CEP97: variants seen among roughly 807,000 people sequenced by gnomAD.
CEP97 encodes the protein centrosomal protein 97.
In CEP97, 43 loss-of-function variants were observed where a neutral mutation model predicts 73.1. The observed-to-expected ratio is 0.59, with a 90% CI of 0.46 to 0.76. The LOEUF is 0.76. Ranked by LOEUF, CEP97 falls within the 30% of genes least tolerant of loss-of-function variation. The pLI, the probability that CEP97 is intolerant of heterozygous loss-of-function variation, is 0.00. For synonymous variants in CEP97, 337 were observed against 370.0 expected (o/e 0.91, Z 1.02); for missense variants, 939 against 1,014.0 (o/e 0.93, Z 1.00).
At chr3:101,756,257 C>T (rs1939001783) in intron 7 of CEP97, among the ~76,000 whole-genome samples, 1 of 151,816 alleles carries the variant, frequency 6.6e-6, no homozygotes, top group Admixed American at 6.6e-5. Flanking sequence ...TGGGTTTTTG[C>T]CATGTTAGCC....
At position 101,765,821 on chromosome 3, in the gene CEP97, G is replaced by A. The variant is rs1939304570; in HGVS notation, c.*270G>A. On this transcript the variant is annotated 3_prime_UTR_variant, in exon 11 of 11. Coordinates refer to ENST00000341893, the MANE Select transcript of CEP97 (RefSeq NM_024548.4). Reference sequence around the variant, plus strand: ...TTCTTAACTGAATTGCATCAACAATGTTCCTGTTTCTTTCATGTACTCATT... The same window carrying A: ...TTCTTAACTGAATTGCATCAACAATATTCCTGTTTCTTTCATGTACTCATT... 3.6e-6 allele frequency: 1 copy of A among 281,188 alleles called. No individual in the cohort carries two copies. The highest frequency in any genetic ancestry group is 6.6e-6 in the Non-Finnish European group (1 of 152,430). 17.4% of individuals were successfully genotyped at this position (281,188 alleles called of 1,614,324 possible). A position where few individuals can be genotyped will look rare whatever the true frequency, so the allele number is the denominator to read the frequency against.
chr3:101,725,552 G>T (rs527400425), intron 1 of CEP97, among the ~76,000 whole-genome samples: 23 of 152,278 alleles, frequency 1.5e-4, no homozygotes, highest in African/African-American at 4.3e-4. Flanking sequence ...TGTGTACAAA[G>T]GCTGTGCACT....
intron 9 of CEP97, among the ~76,000 whole-genome samples, chr3:101,760,046 A>T (rs1395876403): frequency 6.8e-6 from 1 of 147,274 alleles, no homozygotes; most frequent in Non-Finnish European, 1.5e-5. Context: ...AAAAAAAAAA[A>T]GAGGAAGAGC....
At chr3:101,747,692 T>C (rs1448234626) in intron 6 of CEP97, among the ~76,000 whole-genome samples, 1 of 119,758 alleles carries the variant, frequency 8.4e-6, no homozygotes, top group Non-Finnish European at 1.9e-5. Flanking sequence ...TAGTAGCTGG[T>C]ATTACATTTT....
At position 101,765,077 on chromosome 3, in the gene CEP97, A is replaced by C. The variant is rs1939276704; in HGVS notation, c.2124A>C (p.Thr708=). The C allele has an allele frequency of 6.2e-7, 1 of 1,614,082 alleles. No individual in the cohort carries two copies. The highest frequency in any genetic ancestry group is 1.1e-5 in the South Asian group (1 of 91,078). The change falls in exon 11 of 11, where the codon ACA becomes ACC. Residue 708 remains threonine (T), a synonymous_variant. Coordinates refer to ENST00000341893, the MANE Select transcript of CEP97 (RefSeq NM_024548.4). The part of the protein sequence containing the change: ...FPDSGFHSSL[T]EQVHSLQHSL... ...ACTCTGGTTTTCATTCCTCTCTAAC[A>C]GAACAAGTTCATTCATTGCAGCATT...
chr3:101,765,693 TC>T lies in CEP97; in HGVS notation c.*143del. 2 of 659,780 alleles carry T rather than the reference TC, an allele frequency of 3.0e-6. No homozygotes were observed. The highest frequency in any genetic ancestry group is 3.3e-5 in the Admixed American group (1 of 30,002). 40.9% of individuals were successfully genotyped at this position (659,780 alleles called of 1,614,324 possible). A position where few individuals can be genotyped will look rare whatever the true frequency, so the allele number is the denominator to read the frequency against. The stretch of plus-strand genomic sequence containing the variant: ...AATTTGTATTCATGTCTTATATTTT[TC>T]AGATTCTAGATATTGAGCTGAGTTT... On this transcript the variant is annotated 3_prime_UTR_variant, in exon 11 of 11. Transcript: ENST00000341893.
rs1369849393 is a variant in CEP97 at position 101,758,372 on chromosome 3, G to T, written c.1766G>T (p.Arg589Leu). 2 of 1,614,122 alleles carry T rather than the reference G, an allele frequency of 1.2e-6. No individual in the cohort carries two copies. The highest frequency in any genetic ancestry group is 1.7e-6 in the Non-Finnish European group (2 of 1,180,026). ...GCCAAAGATGTGCGTTACGAAATCC[G>T]GCTACGCAGAATGCAAGAGCACATT... ...PQAKDVRYEI[R>L]LRRMQEHIVC... Residue 589 changes from arginine (R) to leucine (L), a missense_variant, in exon 9 of 11, where the codon CGG becomes CTG. Transcript: ENST00000341893.
At chr3:101,737,028 A>G (rs753415569) in intron 6 of CEP97, among the ~76,000 whole-genome samples, 7 of 152,266 alleles carry the variant, frequency 4.6e-5, no homozygotes, top group Non-Finnish European at 1.0e-4. Flanking sequence ...ACACAGCACG[A>G]GAACTTTGTG....
Position 101,757,924 on chromosome 3 carries a change from G to A in CEP97, c.1318G>A (p.Val440Met). Residue 440 changes from valine (V) to methionine (M), a missense_variant, in exon 9 of 11, where the codon GTG becomes ATG. Coordinates refer to ENST00000341893, the MANE Select transcript of CEP97 (RefSeq NM_024548.4). ...AGATGATGGTGTTGCAGATGAATCT[G>A]TGAAAGGGCTGGAAAGCCAGGTGTT... ...LEDDGVADES[V>M]KGLESQVLDK... The A allele has an allele frequency of 6.2e-7, 1 of 1,614,248 alleles. No individual in the cohort carries two copies. The highest frequency in any genetic ancestry group is 8.5e-7 in the Non-Finnish European group (1 of 1,180,044).
At chr3:101,748,287 A>G (rs1402871357) in intron 6 of CEP97, among the ~76,000 whole-genome samples, 3 of 151,004 alleles carry the variant, frequency 2.0e-5, no homozygotes, top group African/African-American at 7.3e-5. Context: ...GGATAAGTTT[A>G]TTGATGAATT....
chr3:101,748,459 A>C (rs937438440), intron 6 of CEP97, among the ~76,000 whole-genome samples: 2 of 152,128 alleles, frequency 1.3e-5, no homozygotes, highest in Non-Finnish European at 2.9e-5. Flanking sequence ...ATCATCTCTA[A>C]CTTAGAAATA....
At chr3:101,724,805 T>C in intron 1 of CEP97, 86 bp downstream of exon 1, 1 of 1,408,868 alleles carries the variant, frequency 7.1e-7, no homozygotes, top group South Asian at 1.2e-5. Context: ...GGTTTAGATG[T>C]GCAGTTCTGG....
intron 6 of CEP97, among the ~76,000 whole-genome samples, chr3:101,735,214 A>G (rs1309787572): frequency 6.6e-6 from 1 of 152,256 alleles, no homozygotes; most frequent in Non-Finnish European, 1.5e-5. Flanking sequence ...CTGTGTTTCT[A>G]TACTGTGGAA....
chr3:101,741,053 G>C (rs1431350480), intron 6 of CEP97, among the ~76,000 whole-genome samples: 1 of 151,976 alleles, frequency 6.6e-6, no homozygotes. Flanking sequence ...CCAAAACAGT[G>C]TAGTACTGGT....
intron 3 of CEP97, among the ~76,000 whole-genome samples, chr3:101,728,632 T>A (rs981899629): frequency 6.6e-6 from 1 of 152,072 alleles, no homozygotes. Flanking sequence ...CCTCTACTCA[T>A]AGAGAGATAA....
chr3:101,731,549 T>G (rs1293766994), intron 4 of CEP97, among the ~76,000 whole-genome samples: 4 of 152,166 alleles, frequency 2.6e-5, no homozygotes, highest in Non-Finnish European at 5.9e-5. Flanking sequence ...TAGAAATTGC[T>G]CAGTGTCTCA....
intron 6 of CEP97, among the ~76,000 whole-genome samples, chr3:101,743,470 A>G (rs563486786): frequency 1.3e-4 from 19 of 151,944 alleles, no homozygotes; most frequent in Non-Finnish European, 5.9e-5. Flanking sequence ...ATCATAGCTC[A>G]TTGTAACCTC....
chr3:101,736,027 T>C (rs886238750), intron 6 of CEP97, among the ~76,000 whole-genome samples: 1 of 152,174 alleles, frequency 6.6e-6, no homozygotes, highest in African/African-American at 2.4e-5. Context: ...CATCTGCCTT[T>C]ACCGAGGTGC....
At chr3:101,726,899 A>G (rs1937909520) in intron 2 of CEP97, among the ~76,000 whole-genome samples, 163 bp downstream of exon 2, 1 of 152,204 alleles carries the variant, frequency 6.6e-6, no homozygotes, top group South Asian at 2.1e-4. Context: ...TACATGTACT[A>G]CATTGAGAGT....
Sources: gnomAD v4.1 joint callset for allele counts (sites outside exome capture counted in the v4.1 genomes callset) on GRCh38, gnomAD v4.1.1 for gene constraint, MANE v1.5 for transcripts, NCBI Gene and HGNC (gene_info 2026-07-23, HGNC 2026-07-21) for gene names.